Variants in RALYL observed in about 807,000 individuals in gnomAD.
RALYL encodes the protein RNA-binding Raly-like protein.
A neutral mutation model predicts 35.1 loss-of-function variants in RALYL; 29 were observed. The observed-to-expected ratio is 0.83, with a 90% CI of 0.61 to 1.13. The LOEUF is 1.13. Ranked by LOEUF, RALYL falls within the 50% of genes most tolerant of loss-of-function variation. The pLI is 0.00. For synonymous variants in RALYL, 120 were observed against 127.6 expected (o/e 0.94, Z 0.40); for missense variants, 359 against 360.4 (o/e 1.00, Z 0.03).
chr8:84,227,501 G>A (rs1435663503), intron 1 of RALYL, among the ~76,000 whole-genome samples: 1 of 151,976 alleles, frequency 6.6e-6, no homozygotes, highest in African/African-American at 2.4e-5. Context: ...AATTCAACAG[G>A]TATTTGTTTG....
At chr8:84,426,568 T>C (rs2046493103) in intron 1 of RALYL, among the ~76,000 whole-genome samples, 1 of 152,094 alleles carries the variant, frequency 6.6e-6, no homozygotes, top group Non-Finnish European at 1.5e-5. Flanking sequence ...GGCCTATCCA[T>C]GTTGTAGCAA....
intron 1 of RALYL, among the ~76,000 whole-genome samples, chr8:84,464,917 T>C (rs368410844): frequency 7.4e-6 from 1 of 134,570 alleles, no homozygotes; most frequent in African/African-American, 2.8e-5. Context: ...TTTCATGTGT[T>C]TTTTGGCTGC....
intron 5 of RALYL, among the ~76,000 whole-genome samples, chr8:84,859,341 C>T (rs1469875931): frequency 1.3e-5 from 2 of 152,152 alleles, no homozygotes; most frequent in East Asian, 1.9e-4. Flanking sequence ...GTTACTTGGG[C>T]GTAGAAAGGT....
intron 1 of RALYL, among the ~76,000 whole-genome samples, chr8:84,512,905 T>C (rs941188406): frequency 2.0e-5 from 3 of 152,208 alleles, no homozygotes; most frequent in African/African-American, 7.2e-5. Context: ...TTTATACCAA[T>C]ACCATGCTGT....
intron 1 of RALYL, among the ~76,000 whole-genome samples, chr8:84,334,508 A>G (rs1352218733): frequency 1.3e-5 from 2 of 151,162 alleles, no homozygotes; most frequent in Non-Finnish European, 2.9e-5. Flanking sequence ...AATTATAAAT[A>G]TCATAAAATA....
intron 1 of RALYL, among the ~76,000 whole-genome samples, chr8:84,313,456 C>T (rs867250692): frequency 6.6e-6 from 1 of 152,294 alleles, no homozygotes; most frequent in South Asian, 2.1e-4. Flanking sequence ...TTATGATCTG[C>T]TTCCTTTTTA....
At chr8:84,347,705 A>T (rs1489126074) in intron 1 of RALYL, among the ~76,000 whole-genome samples, 1 of 152,126 alleles carries the variant, frequency 6.6e-6, no homozygotes, top group Non-Finnish European at 1.5e-5. Flanking sequence ...CATAAACTGT[A>T]TCTGAACATT....
At chr8:84,442,012 A>G (rs1406694170) in intron 1 of RALYL, among the ~76,000 whole-genome samples, 1 of 152,124 alleles carries the variant, frequency 6.6e-6, no homozygotes, top group East Asian at 1.9e-4. Context: ...TAAGTAGAAA[A>G]TATGAGAACA....
At chr8:84,501,651 T>G (rs1288612519) in intron 1 of RALYL, among the ~76,000 whole-genome samples, 1 of 151,926 alleles carries the variant, frequency 6.6e-6, no homozygotes. Flanking sequence ...ATTTAGATTA[T>G]ATCGACCCAT....
At chr8:84,859,419 C>T (rs1007488672) in intron 5 of RALYL, among the ~76,000 whole-genome samples, 2 of 152,102 alleles carry the variant, frequency 1.3e-5, no homozygotes, top group African/African-American at 4.8e-5. Flanking sequence ...TGCCTCCAGA[C>T]CCTATTCTCC....
chr8:84,585,988 A>C (rs964743217), intron 2 of RALYL, among the ~76,000 whole-genome samples: 24 of 152,100 alleles, frequency 1.6e-4, no homozygotes, highest in Non-Finnish European at 1.5e-5. Context: ...TGAGGTCAGG[A>C]GTGCAAGACC....
At chr8:84,677,690 T>G (rs1181679284) in intron 2 of RALYL, among the ~76,000 whole-genome samples, 1 of 152,176 alleles carries the variant, frequency 6.6e-6, no homozygotes. Context: ...TAAAAGAAAA[T>G]GAAAGATGCA....
intron 1 of RALYL, among the ~76,000 whole-genome samples, chr8:84,233,838 T>C (rs1825900246): frequency 6.6e-6 from 1 of 152,222 alleles, no homozygotes; most frequent in African/African-American, 2.4e-5. Flanking sequence ...GCTACTTAAA[T>C]TCTTGAGAAT....
At chr8:84,732,994 C>G (rs1205474724) in intron 2 of RALYL, among the ~76,000 whole-genome samples, 1 of 151,958 alleles carries the variant, frequency 6.6e-6, no homozygotes, top group Non-Finnish European at 1.5e-5. Context: ...CCATGCCTGG[C>G]CTAAGTAATT....
chr8:84,676,418 T>C (rs369490403), intron 2 of RALYL, among the ~76,000 whole-genome samples: 1 of 152,102 alleles, frequency 6.6e-6, no homozygotes, highest in Non-Finnish European at 1.5e-5. Flanking sequence ...TTTTTTCCTA[T>C]AGATAGTTTA....
At chr8:84,620,924 A>C (rs1821223813) in intron 2 of RALYL, among the ~76,000 whole-genome samples, 1 of 151,990 alleles carries the variant, frequency 6.6e-6, no homozygotes, top group African/African-American at 2.4e-5. Context: ...GGGGACAGGG[A>C]CCCACTTGAG....
intron 1 of RALYL, among the ~76,000 whole-genome samples, chr8:84,460,332 A>G (rs1168066086): frequency 6.6e-6 from 1 of 151,762 alleles, no homozygotes; most frequent in East Asian, 1.9e-4. Context: ...CACTCCTACA[A>G]ATTTCACCTC....
At chr8:84,272,814 A>G (rs1412907218) in intron 1 of RALYL, among the ~76,000 whole-genome samples, 1 of 152,212 alleles carries the variant, frequency 6.6e-6, no homozygotes, top group Non-Finnish European at 1.5e-5. Context: ...GTTAATTAGA[A>G]AAAGTTGACA....
chr8:84,838,832 A>G (rs1459871478), intron 4 of RALYL, among the ~76,000 whole-genome samples: 8 of 152,274 alleles, frequency 5.3e-5, no homozygotes, highest in Admixed American at 5.2e-4. Context: ...TATAAGACAC[A>G]TAAGTGGAAA....
Sources: gnomAD v4.1 joint callset for allele counts (sites outside exome capture counted in the v4.1 genomes callset) on GRCh38, gnomAD v4.1.1 for gene constraint, MANE v1.5 for transcripts, NCBI Gene and HGNC (gene_info 2026-07-23, HGNC 2026-07-21) for gene names.